ZMIZ1: variants seen among roughly 807,000 people sequenced by gnomAD.
The protein encoded by ZMIZ1 is zinc finger MIZ domain-containing protein 1.
Under a neutral mutation model 113.9 loss-of-function variants are expected in ZMIZ1, and 17 were observed. The observed-to-expected ratio is 0.15, with a 90% CI of 0.10 to 0.22. The LOEUF (loss-of-function observed/expected upper bound fraction) is 0.22, where lower values mean the gene tolerates loss of function less well. Ranked by LOEUF, ZMIZ1 falls within the 10% of genes least tolerant of loss-of-function variation. The pLI, the probability that ZMIZ1 is intolerant of heterozygous loss-of-function variation, is 1.00. For synonymous variants in ZMIZ1, 607 were observed against 603.1 expected, an observed-to-expected ratio of 1.01 and a Z score of -0.09; for missense variants, 1,059 against 1,477.8, an observed-to-expected ratio of 0.72 and a Z score of 4.65.
At position 79,201,602 on chromosome 10, in the gene ZMIZ1, C is replaced by T. The variant is rs770862468; in HGVS notation, c.-31C>T. The T allele has an allele frequency of 1.2e-5, 20 of 1,612,486 alleles. No individual in the cohort carries two copies. Among genetic ancestry groups the T allele is most frequent in the Non-Finnish European group, 1.7e-5 (20 of 1,179,210 alleles). ...TTCGCAGGCTGGACAACGTTCATGG[C>T]TCTCGGGTAGAACCTAGTGAAACGG... On this transcript the variant is annotated 5_prime_UTR_variant, in exon 5 of 25. Transcript: ENST00000334512.
Position 79,305,611 on chromosome 10 carries a change from G to A in ZMIZ1, c.2423+10G>A. 2 of 1,613,496 alleles carry A rather than the reference G, an allele frequency of 1.2e-6. No individual in the cohort carries two copies. ...TGAATGCCATCCAACAGTAAGTGGG[G>A]CCCTAGCGAGGGGCAGGGGGTGGGA... On this transcript the variant is annotated intron_variant, in intron 21 of 24. Coordinates refer to ENST00000334512, the MANE Select transcript of ZMIZ1 (RefSeq NM_020338.4).
intron 7 of ZMIZ1, among the ~76,000 whole-genome samples, chr10:79,219,739 C>T (rs1239001809): frequency 6.6e-6 from 1 of 152,226 alleles, no homozygotes; most frequent in African/African-American, 2.4e-5. Context: ...ACTATGCAGG[C>T]TCCCAGGGAT....
chr10:79,145,081 C>A (rs1322794315), intron 3 of ZMIZ1, among the ~76,000 whole-genome samples: 1 of 151,816 alleles, frequency 6.6e-6, no homozygotes, highest in Non-Finnish European at 1.5e-5. Flanking sequence ...TGTCTCCCCT[C>A]CTCCCTCCTT....
At chr10:79,168,374 C>T (rs1252411149) in intron 4 of ZMIZ1, among the ~76,000 whole-genome samples, 1 of 152,222 alleles carries the variant, frequency 6.6e-6, no homozygotes, top group Non-Finnish European at 1.5e-5. Context: ...CCTTCATCTG[C>T]ACACAGGCAC....
At chr10:79,304,397 C>T (rs1854541725) in intron 19 of ZMIZ1, among the ~76,000 whole-genome samples, 1 of 152,244 alleles carries the variant, frequency 6.6e-6, no homozygotes, top group Non-Finnish European at 1.5e-5. Flanking sequence ...GTTCGGACAG[C>T]CCCTGCCCTG....
At chr10:79,307,129 C>T (rs1854761559) in intron 22 of ZMIZ1, among the ~76,000 whole-genome samples, 1 of 152,124 alleles carries the variant, frequency 6.6e-6, no homozygotes, top group African/African-American at 2.4e-5. Flanking sequence ...CCATGTCCCC[C>T]ACTCCCCACA....
chr10:79,215,436 A>G (rs1000154780), intron 6 of ZMIZ1, among the ~76,000 whole-genome samples: 1 of 151,870 alleles, frequency 6.6e-6, no homozygotes, highest in Non-Finnish European at 1.5e-5. Context: ...AATTGCTGGG[A>G]TTACAGGCGC....
intron 4 of ZMIZ1, among the ~76,000 whole-genome samples, chr10:79,186,150 C>G (rs1847343891): frequency 6.6e-6 from 1 of 152,188 alleles, no homozygotes; most frequent in Non-Finnish European, 1.5e-5. Context: ...CACCCACGCC[C>G]TTTGGGCCTG....
Position 79,296,193 on chromosome 10 carries a change from G to A in ZMIZ1, c.1231-278G>A, listed in dbSNP as rs1308428315. ...TTAGAATCAGGCCCCTCATAATGGT[G>A]TGAGCAAGAGGCTCTGAAAGTGTCC... On this transcript the variant is annotated intron_variant, in intron 12 of 24. Coordinates refer to ENST00000334512, the MANE Select transcript of ZMIZ1 (RefSeq NM_020338.4). This position sits in a 1 kb window ranked among gnomAD's most constrained non-coding sequence, Gnocchi z 4.1. 4 of 501,454 alleles carry A rather than the reference G, an allele frequency of 8.0e-6. No individual in the cohort carries two copies. Among genetic ancestry groups the A allele is most frequent in the Non-Finnish European group, 1.4e-5 (4 of 280,304 alleles). 31.1% of individuals were successfully genotyped at this position (501,454 alleles called of 1,614,324 possible). A position where few individuals can be genotyped will look rare whatever the true frequency, so the allele number is the denominator to read the frequency against.
chr10:79,190,247 G>A (rs1222505508), intron 4 of ZMIZ1, among the ~76,000 whole-genome samples: 1 of 152,222 alleles, frequency 6.6e-6, no homozygotes, highest in African/African-American at 2.4e-5. Context: ...AGCTGTCTGT[G>A]GGCTGACCAC....
chr10:79,173,247 C>T (rs1447026757), intron 4 of ZMIZ1, among the ~76,000 whole-genome samples: 1 of 152,224 alleles, frequency 6.6e-6, no homozygotes, highest in African/African-American at 2.4e-5. Context: ...TGTGGCCCAA[C>T]ATAAATTCGT....
intron 6 of ZMIZ1, among the ~76,000 whole-genome samples, chr10:79,208,966 G>C (rs1360124122): frequency 6.6e-6 from 1 of 152,074 alleles, no homozygotes; most frequent in Non-Finnish European, 1.5e-5. Flanking sequence ...GATGAATAAG[G>C]CTTCACCGAG....
At chr10:79,139,311 G>C (rs764851824) in intron 2 of ZMIZ1, among the ~76,000 whole-genome samples, 1 of 152,126 alleles carries the variant, frequency 6.6e-6, no homozygotes, top group Non-Finnish European at 1.5e-5. Flanking sequence ...CAAGGGCTTT[G>C]TACACCCGGC....
intron 3 of ZMIZ1, among the ~76,000 whole-genome samples, chr10:79,156,418 C>G (rs1845904782): frequency 6.6e-6 from 1 of 152,156 alleles, no homozygotes; most frequent in African/African-American, 2.4e-5. Context: ...CCACGACTTC[C>G]CACGATCTCA....
At chr10:79,305,286 A>AG in intron 20 of ZMIZ1, 55 bp downstream of exon 20, 1 of 1,590,504 alleles carries the variant, frequency 6.3e-7, no homozygotes, top group Non-Finnish European at 8.6e-7. Flanking sequence ...CACAGACGGG[A>AG]GGGGCCAGCT....
At chr10:79,109,310 AT>A (rs1843659536) in intron 1 of ZMIZ1, among the ~76,000 whole-genome samples, 1 of 152,164 alleles carries the variant, frequency 6.6e-6, no homozygotes. Flanking sequence ...CTGCCGCCTC[AT>A]CCTGTCTTTT....
chr10:79,302,017 C>T, intron 17 of ZMIZ1, 90 bp from the exon 18 acceptor site: 4 of 1,350,474 alleles, frequency 3.0e-6, no homozygotes, highest in Non-Finnish European at 4.2e-6. Context: ...GCTGTGGGAT[C>T]CTGGGAGCAG....
chr10:79,083,708 A>G (rs952092613), intron 1 of ZMIZ1, among the ~76,000 whole-genome samples: 11 of 152,144 alleles, frequency 7.2e-5, no homozygotes, highest in Admixed American at 7.2e-4. Context: ...TGTTCAGTGG[A>G]GGTAGTGAAA....
chr10:79,267,905 A>T (rs894863683), intron 7 of ZMIZ1, among the ~76,000 whole-genome samples: 3 of 151,012 alleles, frequency 2.0e-5, no homozygotes, highest in African/African-American at 7.3e-5. Flanking sequence ...TGTCTGCTGC[A>T]CTCTCCCGCC....
Sources: allele counts gnomAD v4.1 joint callset (sites outside exome capture counted in the v4.1 genomes callset), GRCh38; gene constraint gnomAD v4.1.1; non-coding constraint Gnocchi (gnomAD v3.1); transcripts MANE v1.5; gene names NCBI Gene and HGNC (gene_info 2026-07-23, HGNC 2026-07-21).